PRCP: variants seen among roughly 807,000 people sequenced by gnomAD.
The protein encoded by PRCP is prolylcarboxypeptidase.
PRCP carries 46 observed loss-of-function variants against 54.2 expected under a neutral mutation model. That is an observed-to-expected ratio of 0.85 (90% CI 0.67 to 1.09). The LOEUF is 1.09. Among genes scored for constraint, PRCP ranks in the 50% least tolerant of loss-of-function variants. The probability of loss-of-function intolerance (pLI) is 0.00; values close to 1 mark genes in which losing one functional copy is unlikely to be tolerated. For missense variants in PRCP, 613 were observed against 596.8 expected (o/e 1.03, Z -0.28); for synonymous variants, 240 against 212.2 (o/e 1.13, Z -1.14).
chr11:82,838,553 G>T lies in PRCP; in HGVS notation c.1108C>A (p.Pro370Thr), dbSNP rs753393736. The part of the protein sequence containing the change: ...SYQACTEVVM[P>T]FCTNGVDDMF... ...TCATCGACACCATTAGTACAAAAGG[G>T]CATGACTACTTCTGTGCAGGCCTAA... is the stretch of plus-strand genomic sequence containing the variant. Residue 370 changes from proline (P) to threonine (T), a missense_variant, in exon 8 of 9, where the codon CCC becomes ACC. Coordinates refer to ENST00000313010, the MANE Select transcript of PRCP (RefSeq NM_005040.4). 21 of 1,613,528 alleles carry T rather than the reference G, an allele frequency of 1.3e-5. No homozygotes were observed. The highest frequency in any genetic ancestry group is 1.6e-4 in the Middle Eastern group (1 of 6,084).
At chr11:82,856,150 T>A (rs1209100451) in intron 2 of PRCP, among the ~76,000 whole-genome samples, 1 of 151,934 alleles carries the variant, frequency 6.6e-6, no homozygotes, top group East Asian at 1.9e-4. Context: ...CTACAAAAAA[T>A]AAAATTAAAA....
chr11:82,852,027 T>C (rs1027819497), intron 3 of PRCP, among the ~76,000 whole-genome samples: 3 of 152,174 alleles, frequency 2.0e-5, no homozygotes, highest in Non-Finnish European at 4.4e-5. Context: ...GGGAAAGAAG[T>C]ATATCAAAAA....
Position 82,900,425 on chromosome 11 carries a change from G to A in PRCP, c.-23C>T. On this transcript the variant is annotated 5_prime_UTR_variant, in exon 1 of 9. Coordinates refer to ENST00000313010, the MANE Select transcript of PRCP (RefSeq NM_005040.4). ...CATGGCTCAGGCTGGAGACTGCAGT[G>A]CGGGTGGGAGGGCGAAAAGGAGGCC... is the stretch of plus-strand genomic sequence containing the variant. 6.2e-7 allele frequency: 1 copy of A among 1,610,274 alleles called. No individual in the cohort carries two copies. Among genetic ancestry groups the A allele is most frequent in the Non-Finnish European group, 8.5e-7 (1 of 1,179,428 alleles).
intron 1 of PRCP, among the ~76,000 whole-genome samples, chr11:82,875,647 A>C (rs17144400): frequency 0.014 from 2,080 of 152,300 alleles, 47 homozygotes; most frequent in African/African-American, 0.047. Flanking sequence ...TTTGCTCTGA[A>C]AGAGGCCACA....
At chr11:82,840,326 A>C (rs964375496) in intron 6 of PRCP, 1 of 152,114 alleles carries the variant, frequency 6.6e-6, no homozygotes, top group African/African-American at 2.4e-5. Flanking sequence ...AAAATGATAT[A>C]ATTTGTGTAT....
In PRCP at chr11:82,853,183, T is replaced by C. The variant is rs1479343156; in HGVS notation, c.405A>G (p.Ser135=). The change falls in exon 3 of 9, where the codon TCA becomes TCG. Residue 135 remains serine, a synonymous_variant. Transcript: ENST00000313010. ...AAGTAAAAAGTATCTTTACCTTGAA[T>C]GAGTTGTCACCAAAGGGGAGAGACT... ...YGESLPFGDN[S]FKDSRHLNFL... 5 of 1,592,820 alleles carry C rather than the reference T, an allele frequency of 3.1e-6. No homozygotes were observed. Among genetic ancestry groups the C allele is most frequent in the Non-Finnish European group, 4.3e-6 (5 of 1,167,592 alleles).
rs74848285 is a variant in PRCP, at chr11:82,890,250, G to C, written c.168+9985C>G. ...GTGCATTTACTTTCCTTCTCTGCTA[G>C]AGGAGCATTTCTGTTCTCTCCCTTT... is the stretch of plus-strand genomic sequence containing the variant. On this transcript the variant is annotated intron_variant, in intron 1 of 8. Coordinates refer to ENST00000313010, the MANE Select transcript of PRCP (RefSeq NM_005040.4). Among the ~76,000 whole-genome samples the C allele has an allele frequency of 4.6e-3, 702 of 152,298 alleles. 4 individuals are homozygous for C. The highest frequency in any genetic ancestry group is 0.016 in the African/African-American group (678 of 41,554).
chr11:82,826,833 T>C (rs1007836942), intron 8 of PRCP: 1 of 152,210 alleles, frequency 6.6e-6, no homozygotes, highest in Non-Finnish European at 1.5e-5. Flanking sequence ...GAGCTCACAC[T>C]CTCTTAACTT....
chr11:82,846,411 A>G (rs886430017), intron 6 of PRCP, among the ~76,000 whole-genome samples: 18 of 152,020 alleles, frequency 1.2e-4, no homozygotes, highest in Non-Finnish European at 1.8e-4. Context: ...ATGAAATTGG[A>G]AACAGAGGCA....
In PRCP at chr11:82,849,179, C is replaced by A; in HGVS notation, c.791G>T (p.Cys264Phe). ...LQWLTGALHLCSPLTSQDIQH... is the reference protein window; with the variant it reads ...LQWLTGALHLFSPLTSQDIQH... The stretch of plus-strand genomic sequence containing the variant: ...GATGTCCTGAGAAGTTAATGGGCTG[C>A]ATAAGTGAAGGGCTCCAGTAAGCCA... The change falls in exon 6 of 9, where the codon TGC becomes TTC. Residue 264 changes from cysteine to phenylalanine, a missense_variant. By Grantham distance (205) the Cys-to-Phe change is radical (BLOSUM62 -2). Transcript: ENST00000313010. 6.2e-7 allele frequency: 1 copy of A among 1,614,074 alleles called. No individual in the cohort carries two copies. The highest frequency in any genetic ancestry group is 2.2e-5 in the East Asian group (1 of 44,886).
At chr11:82,864,102 C>T (rs907825341) in intron 1 of PRCP, among the ~76,000 whole-genome samples, 5 of 152,338 alleles carry the variant, frequency 3.3e-5, no homozygotes, top group Admixed American at 6.5e-5. Context: ...TAGTTCTCCT[C>T]TCTATCCCAT....
At position 82,838,469 on chromosome 11, in the gene PRCP, A is replaced by C; in HGVS notation, c.1192T>G (p.Trp398Gly). The C allele has an allele frequency of 6.2e-7, 1 of 1,614,100 alleles. No homozygotes were observed. ...KELSDDCFQQ[W>G]GVRPRPSWIT... The stretch of plus-strand genomic sequence containing the variant: ...CAGGAGGGCCTTGGTCTCACACCCC[A>C]CTGTTGAAAACAGTCATCAGAAAGT... Residue 398 changes from tryptophan (W) to glycine (G), a missense_variant, in exon 8 of 9, where the codon TGG becomes GGG. Transcript: ENST00000313010.
intron 2 of PRCP, among the ~76,000 whole-genome samples, chr11:82,856,182 A>G (rs1386660830): frequency 1.3e-5 from 2 of 152,136 alleles, no homozygotes; most frequent in African/African-American, 4.8e-5. Context: ...ATTTAAAATA[A>G]AAATAAACCA....
intron 8 of PRCP, among the ~76,000 whole-genome samples, chr11:82,837,790 A>T (rs1858562530): frequency 2.6e-5 from 4 of 152,238 alleles, no homozygotes; most frequent in African/African-American, 9.6e-5. Context: ...CTTAAGGAAC[A>T]GTGTAATGTA....
Position 82,824,847 on chromosome 11 carries a change from T to A in PRCP, c.*59A>T. The A allele has an allele frequency of 6.7e-7, 1 of 1,488,796 alleles. No individual in the cohort carries two copies. The highest frequency in any genetic ancestry group is 9.2e-7 in the Non-Finnish European group (1 of 1,086,698). 92.2% of individuals were successfully genotyped at this position (1,488,796 alleles called of 1,614,324 possible). On this transcript the variant is annotated 3_prime_UTR_variant, in exon 9 of 9. Coordinates refer to ENST00000313010, the MANE Select transcript of PRCP (RefSeq NM_005040.4). ...GGTAATTACATGTAGAAAATCAAAG[T>A]GAATGGGAATGTGGTGGTGTGAACA... is the stretch of plus-strand genomic sequence containing the variant.
intron 1 of PRCP, among the ~76,000 whole-genome samples, chr11:82,869,371 GAAGAAGAA>G (rs1313654748): frequency 3.5e-4 from 43 of 122,220 alleles, no homozygotes; most frequent in African/African-American, 1.2e-3. Flanking sequence ...AAAAAAAAAA[GAAGAAGAA>G]AAGAAGAAAA....
rs758699526 is a variant in PRCP at position 82,900,355 on chromosome 11, G to A, written c.48C>T (p.Pro16=). ...LLLLLLSFLA[P]WATIALRPAL... ...CCGGCCGGAGGGCTATGGTGGCCCA[G>A]GGCGCCAGAAAAGACAGAAGCAGGA... is the stretch of plus-strand genomic sequence containing the variant. Residue 16 remains proline (P), a synonymous_variant, in exon 1 of 9, where the codon CCC becomes CCT. Coordinates refer to ENST00000313010, the MANE Select transcript of PRCP (RefSeq NM_005040.4). The A allele has an allele frequency of 8.7e-6, 14 of 1,614,084 alleles. No homozygotes were observed. The highest frequency in any genetic ancestry group is 1.1e-5 in the Non-Finnish European group (13 of 1,179,962).
At position 82,900,275 on chromosome 11, in the gene PRCP, G is replaced by T; in HGVS notation, c.128C>A (p.Ala43Asp). ...HLPTNPTSLP[A>D]VAKNYSVLYF... Reference sequence around the variant, plus strand: ...GAGAACCGAATAGTTCTTGGCTACAGCCGGGAGGGATGTGGGGTTGGTTGG... The same window carrying T: ...GAGAACCGAATAGTTCTTGGCTACATCCGGGAGGGATGTGGGGTTGGTTGG... The change falls in exon 1 of 9, where the codon GCT becomes GAT. Residue 43 changes from alanine (A) to aspartate (D), a missense_variant. Physicochemically the swap from Ala to Asp is moderately radical, Grantham distance 126. Coordinates refer to ENST00000313010, the MANE Select transcript of PRCP (RefSeq NM_005040.4). 1 of 1,614,246 alleles carries T rather than the reference G, an allele frequency of 6.2e-7. No individual in the cohort carries two copies. The highest frequency in any genetic ancestry group is 8.5e-7 in the Non-Finnish European group (1 of 1,180,042).
chr11:82,888,676 A>T (rs958710166), intron 1 of PRCP, among the ~76,000 whole-genome samples: 2 of 152,288 alleles, frequency 1.3e-5, no homozygotes, highest in East Asian at 3.9e-4. Flanking sequence ...CAGCTTCCAG[A>T]CCCCAAAATA....
Sources: allele counts gnomAD v4.1 joint callset (sites outside exome capture counted in the v4.1 genomes callset), GRCh38; gene constraint gnomAD v4.1.1; transcripts MANE v1.5; gene names NCBI Gene and HGNC (gene_info 2026-07-23, HGNC 2026-07-21).